Variants in SAMD5 observed in about 807,000 individuals in gnomAD.
SAMD5 encodes sterile alpha motif domain containing 5, also known as sterile alpha motif domain-containing protein 5.
A neutral mutation model predicts 11.3 loss-of-function variants in SAMD5; 13 were observed. The observed-to-expected ratio is 1.15, with a 90% CI of 0.75 to 1.83. The LOEUF (loss-of-function observed/expected upper bound fraction) is 1.83, where lower values mean the gene tolerates loss of function less well. Among genes scored for constraint, SAMD5 ranks in the 40% most tolerant of loss-of-function variants. The pLI, the probability that SAMD5 is intolerant of heterozygous loss-of-function variation, is 0.00. For synonymous variants in SAMD5, 129 were observed against 111.3 expected (o/e 1.16, Z -1.00); for missense variants, 255 against 239.1 (o/e 1.07, Z -0.44).
intron 1 of SAMD5, among the ~76,000 whole-genome samples, chr6:147,533,871 G>T (rs1788467813): frequency 6.6e-6 from 1 of 152,188 alleles, no homozygotes; most frequent in African/African-American, 2.4e-5. Flanking sequence ...CCCACATTAT[G>T]CAGGCTAATC....
At chr6:147,632,456 G>C (rs140454579) in intron 1 of SAMD5, among the ~76,000 whole-genome samples, 1 of 152,182 alleles carries the variant, frequency 6.6e-6, no homozygotes, top group Non-Finnish European at 1.5e-5. Flanking sequence ...GGGGCAGAAA[G>C]TATATGAGTC....
At chr6:147,850,476 A>G in the SAMD5 span, among the ~76,000 whole-genome samples, 1 of 152,200 alleles carries the variant, frequency 6.6e-6, no homozygotes, top group African/African-American at 2.4e-5. Context: ...ATATTTCATA[A>G]TGCCAGGAGA....
the SAMD5 span, among the ~76,000 whole-genome samples, chr6:147,761,907 T>C: frequency 1.3e-5 from 2 of 152,068 alleles, no homozygotes; most frequent in African/African-American, 4.8e-5. Context: ...GAGATGGGGT[T>C]TCACCATATT....
chr6:147,565,208 C>T lies in SAMD5; in HGVS notation c.*752C>T. The T allele has an allele frequency of 1.0e-6, 1 of 985,910 alleles. No homozygotes were observed. The highest frequency in any genetic ancestry group is 1.2e-6 in the Non-Finnish European group (1 of 829,984). 61.1% of individuals were successfully genotyped at this position (985,910 alleles called of 1,614,324 possible). A position where few individuals can be genotyped will look rare whatever the true frequency, so the allele number is the denominator to read the frequency against. On this transcript the variant is annotated 3_prime_UTR_variant, in exon 2 of 2. Transcript: ENST00000367474. Reference sequence around the variant, plus strand: ...AGCTATTTTACTTCATAGCTAGTTTCTTGCACTCTGTGGAGACTGCCAGGG... The same window carrying T: ...AGCTATTTTACTTCATAGCTAGTTTTTTGCACTCTGTGGAGACTGCCAGGG...
At chr6:147,683,050 T>C (rs985771822) in intron 1 of SAMD5, among the ~76,000 whole-genome samples, 4 of 152,224 alleles carry the variant, frequency 2.6e-5, no homozygotes, top group Admixed American at 6.5e-5. Context: ...TTTTCTTTCA[T>C]TGAATAAATA....
chr6:147,917,633 A>G, the SAMD5 span, among the ~76,000 whole-genome samples: 3 of 152,100 alleles, frequency 2.0e-5, no homozygotes, highest in African/African-American at 7.2e-5. Flanking sequence ...GACCTTGCCC[A>G]TGCCTATGTC....
exon 2 of SAMD5, chr6:147,737,395 C>T (rs966312585): frequency 1.8e-5 from 21 of 1,161,640 alleles, no homozygotes; most frequent in Admixed American, 2.4e-5. Flanking sequence ...CTCAATCCCA[C>T]GCTATTACAG....
chr6:147,683,591 T>C (rs1790969861), intron 1 of SAMD5, among the ~76,000 whole-genome samples: 1 of 152,186 alleles, frequency 6.6e-6, no homozygotes, highest in Non-Finnish European at 1.5e-5. Flanking sequence ...AAAAAGATGG[T>C]TTCCTATTTT....
chr6:147,653,219 A>G (rs1790515754), intron 1 of SAMD5, among the ~76,000 whole-genome samples: 1 of 152,230 alleles, frequency 6.6e-6, no homozygotes, highest in Non-Finnish European at 1.5e-5. Context: ...TTTCAGAGAT[A>G]AATACTTCAA....
the SAMD5 span, among the ~76,000 whole-genome samples, chr6:147,795,824 G>A: frequency 1.3e-5 from 2 of 151,830 alleles, no homozygotes; most frequent in African/African-American, 2.4e-5. Flanking sequence ...CAGTGATGGT[G>A]AGCATTTTTT....
the SAMD5 span, among the ~76,000 whole-genome samples, chr6:147,763,739 C>T: frequency 2.0e-5 from 3 of 151,844 alleles, no homozygotes; most frequent in African/African-American, 7.3e-5. Context: ...CCCACCACCA[C>T]GCCCGGCTAA....
chr6:147,938,500 T>G, the SAMD5 span, among the ~76,000 whole-genome samples: 1 of 152,146 alleles, frequency 6.6e-6, no homozygotes, highest in African/African-American at 2.4e-5. Flanking sequence ...ACAATTGCCA[T>G]GTGATGTGAT....
At chr6:147,623,509 T>C (rs1321685687) in intron 1 of SAMD5, among the ~76,000 whole-genome samples, 1 of 152,216 alleles carries the variant, frequency 6.6e-6, no homozygotes, top group Non-Finnish European at 1.5e-5. Flanking sequence ...CCCACTGACA[T>C]ACACAGGAAG....
the SAMD5 span, among the ~76,000 whole-genome samples, chr6:147,868,693 A>G: frequency 6.6e-6 from 1 of 152,240 alleles, no homozygotes; most frequent in Admixed American, 6.5e-5. Context: ...TATTTTTAAA[A>G]GAATGAGAAA....
At chr6:147,866,529 C>CA in the SAMD5 span, among the ~76,000 whole-genome samples, 1 of 152,102 alleles carries the variant, frequency 6.6e-6, no homozygotes, top group Non-Finnish European at 1.5e-5. Context: ...GCCAAAATGC[C>CA]AATAAGATTA....
chr6:147,675,093 C>T (rs548937609), intron 1 of SAMD5, among the ~76,000 whole-genome samples: 107 of 152,278 alleles, frequency 7.0e-4, no homozygotes, highest in African/African-American at 2.4e-3. Flanking sequence ...GTATAAAGAA[C>T]CTCATGTATT....
intron 1 of SAMD5, among the ~76,000 whole-genome samples, chr6:147,672,496 G>C (rs79956652): frequency 1.3e-5 from 2 of 151,994 alleles, no homozygotes; most frequent in Non-Finnish European, 2.9e-5. Flanking sequence ...TAGTGCGTGG[G>C]GATGTACTCT....
the SAMD5 span, among the ~76,000 whole-genome samples, chr6:147,782,700 A>G: frequency 1.3e-5 from 2 of 152,240 alleles, no homozygotes; most frequent in South Asian, 4.1e-4. Context: ...TTTAAAAATC[A>G]TGTGCCCTGA....
intron 1 of SAMD5, among the ~76,000 whole-genome samples, chr6:147,550,568 G>A (rs1025961924): frequency 1.3e-5 from 2 of 152,028 alleles, no homozygotes; most frequent in South Asian, 2.1e-4. Flanking sequence ...AATACCATTC[G>A]GCCATATAAA....
Sources: allele counts gnomAD v4.1 joint callset (sites outside exome capture counted in the v4.1 genomes callset), GRCh38; gene constraint gnomAD v4.1.1; transcripts MANE v1.5; gene names NCBI Gene and HGNC (gene_info 2026-07-23, HGNC 2026-07-21).